Variants in RBMS3 observed in about 807,000 individuals in gnomAD.
RBMS3 encodes RNA-binding motif, single-stranded-interacting protein 3.
Under a neutral mutation model 66.8 loss-of-function variants are expected in RBMS3, and 27 were observed. The observed-to-expected ratio is 0.40, with a 90% CI of 0.30 to 0.56. The LOEUF (loss-of-function observed/expected upper bound fraction) is 0.56, where lower values mean the gene tolerates loss of function less well. Among genes scored for constraint, RBMS3 ranks in the 20% least tolerant of loss-of-function variants. The probability of loss-of-function intolerance (pLI) is 0.40; values close to 1 mark genes in which losing one functional copy is unlikely to be tolerated. For synonymous variants in RBMS3, 188 were observed against 183.0 expected, an observed-to-expected ratio of 1.03 and a Z score of -0.22; for missense variants, 513 against 549.5, an observed-to-expected ratio of 0.93 and a Z score of 0.66.
At chr3:29,797,222 T>A (rs2057232277) in intron 6 of RBMS3, among the ~76,000 whole-genome samples, 1 of 152,260 alleles carries the variant, frequency 6.6e-6, no homozygotes, top group African/African-American at 2.4e-5. Context: ...ATCTTCCAGA[T>A]AACTTGCTGC....
At chr3:29,794,298 A>G (rs1309827572) in intron 6 of RBMS3, among the ~76,000 whole-genome samples, 2 of 152,076 alleles carry the variant, frequency 1.3e-5, no homozygotes, top group Non-Finnish European at 2.9e-5. Flanking sequence ...TCTTAAAACC[A>G]CATGATGGCG....
chr3:29,901,936 C>T (rs2149611708), intron 10 of RBMS3, among the ~76,000 whole-genome samples: 1 of 151,948 alleles, frequency 6.6e-6, no homozygotes, highest in East Asian at 1.9e-4. Flanking sequence ...GTCCATATTA[C>T]ATAAGTAACT....
At chr3:29,588,205 T>C (rs1287886124) in intron 4 of RBMS3, among the ~76,000 whole-genome samples, 1 of 152,086 alleles carries the variant, frequency 6.6e-6, no homozygotes, top group Non-Finnish European at 1.5e-5. Flanking sequence ...CCATTTAGGA[T>C]TTATTCACCT....
intron 4 of RBMS3, among the ~76,000 whole-genome samples, chr3:29,615,515 C>T (rs572399671): frequency 6.6e-6 from 1 of 151,524 alleles, no homozygotes; most frequent in African/African-American, 2.4e-5. Context: ...TTGTTTAAAA[C>T]GATCAAACCA....
chr3:29,462,692 A>C (rs2042410397), intron 2 of RBMS3, among the ~76,000 whole-genome samples: 1 of 152,198 alleles, frequency 6.6e-6, no homozygotes, highest in African/African-American at 2.4e-5. Context: ...TATTTGATGT[A>C]TGACAAATGT....
At chr3:29,460,528 G>GC (rs1559379359) in intron 2 of RBMS3, among the ~76,000 whole-genome samples, 1 of 152,072 alleles carries the variant, frequency 6.6e-6, no homozygotes, top group Admixed American at 6.5e-5. Flanking sequence ...TTTTTAATAA[G>GC]CCCCCAAGTT....
At chr3:29,904,783 C>T (rs2060336174) in intron 10 of RBMS3, among the ~76,000 whole-genome samples, 1 of 151,786 alleles carries the variant, frequency 6.6e-6, no homozygotes, top group Non-Finnish European at 1.5e-5. Flanking sequence ...ATTTTCATTT[C>T]TGAATCCTAT....
chr3:29,759,736 C>T (rs1370624368), intron 5 of RBMS3, among the ~76,000 whole-genome samples: 1 of 152,070 alleles, frequency 6.6e-6, no homozygotes, highest in Admixed American at 6.6e-5. Context: ...CTTTCTGGGT[C>T]TCAGTCTCAC....
intron 1 of RBMS3, among the ~76,000 whole-genome samples, chr3:29,292,612 T>C (rs757426201): frequency 2.0e-4 from 31 of 151,838 alleles, no homozygotes; most frequent in Non-Finnish European, 3.4e-4. Context: ...GTTTAAACTG[T>C]GAAGAGTCTG....
chr3:29,605,972 T>A (rs1367400611), intron 4 of RBMS3, among the ~76,000 whole-genome samples: 1 of 151,256 alleles, frequency 6.6e-6, no homozygotes, highest in African/African-American at 2.4e-5. Flanking sequence ...AAGGTAGTTT[T>A]TTTTTTTTTT....
At chr3:29,855,110 A>G (rs534488769) in intron 6 of RBMS3, among the ~76,000 whole-genome samples, 2 of 152,260 alleles carry the variant, frequency 1.3e-5, no homozygotes, top group African/African-American at 4.8e-5. Flanking sequence ...CCAATCTTTT[A>G]TTCATTCAAC....
At chr3:29,758,763 T>G (rs959499306) in intron 5 of RBMS3, among the ~76,000 whole-genome samples, 1 of 152,208 alleles carries the variant, frequency 6.6e-6, no homozygotes, top group Non-Finnish European at 1.5e-5. Context: ...AATTTGTTTT[T>G]GAAATGTCAG....
intron 6 of RBMS3, among the ~76,000 whole-genome samples, chr3:29,796,645 C>T (rs1255239806): frequency 1.3e-5 from 2 of 150,956 alleles, no homozygotes; most frequent in Non-Finnish European, 2.9e-5. Context: ...TCTTCTTGTA[C>T]ATCTCCATCA....
intron 1 of RBMS3, among the ~76,000 whole-genome samples, chr3:29,336,159 A>C (rs2035934913): frequency 6.6e-6 from 1 of 152,212 alleles, no homozygotes; most frequent in Non-Finnish European, 1.5e-5. Context: ...CAAACAAGTA[A>C]GAAAAAATAT....
chr3:29,314,656 A>G (rs1046831562), intron 1 of RBMS3, among the ~76,000 whole-genome samples: 15 of 151,688 alleles, frequency 9.9e-5, no homozygotes, highest in Non-Finnish European at 2.2e-4. Context: ...GGAGGGAACC[A>G]GATATGGTGT....
chr3:29,812,039 T>C (rs941195908), intron 6 of RBMS3, among the ~76,000 whole-genome samples: 2 of 152,146 alleles, frequency 1.3e-5, no homozygotes, highest in Admixed American at 1.3e-4. Flanking sequence ...TATATTATGA[T>C]AGAAATAGAC....
intron 1 of RBMS3, among the ~76,000 whole-genome samples, chr3:29,383,588 A>G (rs1236982387): frequency 6.6e-6 from 1 of 152,210 alleles, no homozygotes; most frequent in Non-Finnish European, 1.5e-5. Context: ...CTTGGGAGCC[A>G]AGGAATAGGG....
chr3:29,466,080 C>G (rs1406912613), intron 2 of RBMS3, among the ~76,000 whole-genome samples: 1 of 151,718 alleles, frequency 6.6e-6, no homozygotes, highest in Non-Finnish European at 1.5e-5. Flanking sequence ...TTCTGGAAGT[C>G]AAAATTCAAT....
chr3:29,304,029 C>T (rs1252626257), intron 1 of RBMS3, among the ~76,000 whole-genome samples: 1 of 151,974 alleles, frequency 6.6e-6, no homozygotes, highest in Non-Finnish European at 1.5e-5. Context: ...TTCAAATTAT[C>T]TCCCACCAGG....
Sources: allele counts gnomAD v4.1 joint callset (sites outside exome capture counted in the v4.1 genomes callset), GRCh38; gene constraint gnomAD v4.1.1; transcripts MANE v1.5; gene names NCBI Gene and HGNC (gene_info 2026-07-23, HGNC 2026-07-21).